Variants in CSMD1 observed in about 807,000 individuals in gnomAD.
CSMD1 encodes the protein CUB and sushi domain-containing protein 1.
A neutral mutation model predicts 417.5 loss-of-function variants in CSMD1; 213 were observed. That is an observed-to-expected ratio of 0.51 (90% CI 0.46 to 0.57). The LOEUF is 0.57. Among genes scored for constraint, CSMD1 ranks in the 20% least tolerant of loss-of-function variants. The probability of loss-of-function intolerance (pLI) is 0.00; values close to 1 mark genes in which losing one functional copy is unlikely to be tolerated. For synonymous variants in CSMD1, 2,862 were observed against 1,736.8 expected (o/e 1.65, Z -16.11); for missense variants, 6,923 against 4,529.7 (o/e 1.53, Z -15.17).
At chr8:3,878,943 A>C (rs1806016372) in intron 5 of CSMD1, among the ~76,000 whole-genome samples, 1 of 152,228 alleles carries the variant, frequency 6.6e-6, no homozygotes, top group African/African-American at 2.4e-5. Context: ...AATAACTTTA[A>C]TATATGACTA....
At chr8:4,764,895 C>CAAAAAAAAACAAAAAAA (rs763804321) in intron 1 of CSMD1, among the ~76,000 whole-genome samples, 31 of 30,556 alleles carry the variant, frequency 1.0e-3, no homozygotes, top group Non-Finnish European at 1.3e-3. Context: ...AAAAAAAAAA[C>CAAAAAAAAACAAAAAAA]AACAACAACA....
In CSMD1 at chr8:3,214,460, A is replaced by T. The variant is rs942640896; in HGVS notation, c.4867+37T>A. 5 of 1,467,452 alleles carry T rather than the reference A, an allele frequency of 3.4e-6. No homozygotes were observed. In the African/African-American group the frequency reaches 7.1e-5, roughly 21 times the overall value. 90.9% of individuals were successfully genotyped at this position (1,467,452 alleles called of 1,614,324 possible). On this transcript the variant is annotated intron_variant, in intron 30 of 69. Transcript: ENST00000635120. ...AATGAGATGCTGCATTTTAAAGGAA[A>T]GTTGTATTTCTAGAAAATACCCAAG...
intron 7 of CSMD1, among the ~76,000 whole-genome samples, chr8:3,708,141 C>T (rs1367138264): frequency 6.6e-6 from 1 of 152,114 alleles, no homozygotes; most frequent in Non-Finnish European, 1.5e-5. Context: ...GACCGTGTCA[C>T]ATATACTTAA....
chr8:3,433,097 C>T (rs1168900599), intron 12 of CSMD1, among the ~76,000 whole-genome samples: 3 of 152,076 alleles, frequency 2.0e-5, no homozygotes, highest in Admixed American at 6.6e-5. Flanking sequence ...CCAAGAAATA[C>T]GTTTTATACA....
chr8:4,448,621 T>C (rs76314948), intron 2 of CSMD1, among the ~76,000 whole-genome samples: 1,882 of 152,318 alleles, frequency 0.012, 39 homozygotes, highest in African/African-American at 0.043. Flanking sequence ...ATAAATGTAA[T>C]GGTGGGAAAA....
chr8:3,795,800 C>CCTATCATGTACAGATATAGATATATAT lies in CSMD1; in HGVS notation c.819-41785_819-41759dup, dbSNP rs1418451701. On this transcript the variant is annotated intron_variant, in intron 5 of 69. Transcript: ENST00000635120. Reference sequence around the variant, plus strand: ...TATCATGTACAGATATAGATATATACCTATCATGTACAGATATAGATATAT... The same window carrying CCTATCATGTACAGATATAGATATATAT: ...TATCATGTACAGATATAGATATATACCTATCATGTACAGATATAGATATATATCTATCATGTACAGATATAGATATAT... Among the ~76,000 whole-genome samples, 6 of 20,532 alleles carry CCTATCATGTACAGATATAGATATATAT rather than the reference C, an allele frequency of 2.9e-4. 3 individuals carry two copies. The highest frequency in any genetic ancestry group is 9.3e-4 in the African/African-American group (6 of 6,472). 13.5% of individuals were successfully genotyped at this position (20,532 alleles called of 152,430 possible).
intron 1 of CSMD1, among the ~76,000 whole-genome samples, chr8:4,838,776 A>G (rs1800660028): frequency 1.3e-5 from 2 of 152,184 alleles, no homozygotes; most frequent in Admixed American, 1.3e-4. Flanking sequence ...CCTCCCACCC[A>G]GAGTTTGGTC....
chr8:3,100,388 G>C (rs1815647482), intron 46 of CSMD1, among the ~76,000 whole-genome samples: 1 of 152,160 alleles, frequency 6.6e-6, no homozygotes, highest in South Asian at 2.1e-4. Flanking sequence ...TGTTTCTTCT[G>C]CTCTTTCATA....
At chr8:4,259,109 C>A (rs965272496) in intron 3 of CSMD1, among the ~76,000 whole-genome samples, 1 of 152,098 alleles carries the variant, frequency 6.6e-6, no homozygotes, top group Non-Finnish European at 1.5e-5. Context: ...TCTGAAAGGT[C>A]GTACTTTAAA....
chr8:3,925,460 A>G (rs979899301), intron 5 of CSMD1, among the ~76,000 whole-genome samples: 1 of 152,344 alleles, frequency 6.6e-6, no homozygotes, highest in East Asian at 1.9e-4. Context: ...ATACAGTTCA[A>G]AAGATAACGT....
chr8:4,024,521 G>A (rs1042959526), intron 4 of CSMD1, among the ~76,000 whole-genome samples: 2 of 152,284 alleles, frequency 1.3e-5, no homozygotes, highest in African/African-American at 4.8e-5. Flanking sequence ...GTCCAAGTCA[G>A]AAATTTAAAT....
chr8:3,938,727 G>T (rs1159332577), intron 5 of CSMD1, among the ~76,000 whole-genome samples: 1 of 152,160 alleles, frequency 6.6e-6, no homozygotes, highest in South Asian at 2.1e-4. Flanking sequence ...AACATAAGTT[G>T]TTTTCCTCAT....
intron 1 of CSMD1, among the ~76,000 whole-genome samples, chr8:4,658,469 A>G: frequency 6.6e-6 from 1 of 152,140 alleles, no homozygotes; most frequent in East Asian, 1.9e-4. Context: ...AGTGACGCAA[A>G]AAAGCAAAAA....
intron 10 of CSMD1, among the ~76,000 whole-genome samples, chr8:3,521,085 C>T (rs576220911): frequency 1.3e-5 from 2 of 152,288 alleles, no homozygotes; most frequent in African/African-American, 4.8e-5. Flanking sequence ...ATTTTACTGT[C>T]ATTATCTCCT....
At chr8:3,944,583 T>C (rs1047888736) in intron 5 of CSMD1, among the ~76,000 whole-genome samples, 16 of 152,172 alleles carry the variant, frequency 1.1e-4, no homozygotes, top group African/African-American at 3.6e-4. Context: ...TAAAAATACT[T>C]ATCATGCAAA....
At chr8:3,647,124 A>G (rs921989916) in intron 7 of CSMD1, among the ~76,000 whole-genome samples, 3 of 152,190 alleles carry the variant, frequency 2.0e-5, no homozygotes, top group African/African-American at 7.2e-5. Context: ...GAAGGAATAA[A>G]TCATAGGAAT....
rs140854971 is a variant in CSMD1, at chr8:3,960,456, C to A, written c.818+37447G>T. 3.2e-3 allele frequency among the ~76,000 whole-genome samples: 482 copies of A among 152,238 alleles called. 4 individuals carry two copies. Among genetic ancestry groups the A allele is most frequent in the African/African-American group, 0.011 (465 of 41,556 alleles). The stretch of plus-strand genomic sequence containing the variant: ...CTAGTGAGAAATACAATTTTCAACA[C>A]AGGGGCGAATATTATTTATGCCTTT... On this transcript the variant is annotated intron_variant, in intron 5 of 69. Coordinates refer to ENST00000635120, the MANE Select transcript of CSMD1 (RefSeq NM_033225.6).
intron 2 of CSMD1, among the ~76,000 whole-genome samples, chr8:4,456,319 T>C (rs961893259): frequency 7.2e-5 from 11 of 151,978 alleles, no homozygotes; most frequent in African/African-American, 2.7e-4. Context: ...ACAGCAGTAA[T>C]AAAAAAATTA....
chr8:3,701,470 C>G (rs1800863216), intron 7 of CSMD1, among the ~76,000 whole-genome samples: 2 of 151,258 alleles, frequency 1.3e-5, no homozygotes, highest in African/African-American at 4.9e-5. Context: ...CAGAGGCTGA[C>G]ATGAGGGCAA....
Sources: allele counts gnomAD v4.1 joint callset (sites outside exome capture counted in the v4.1 genomes callset), GRCh38; gene constraint gnomAD v4.1.1; transcripts MANE v1.5; gene names NCBI Gene and HGNC (gene_info 2026-07-23, HGNC 2026-07-21).